The following MYLK4 variants were observed in gnomAD, a reference collection of about 807,000 sequenced individuals.
MYLK4 encodes the protein caMLCK like.
Under a neutral mutation model 48.1 loss-of-function variants are expected in MYLK4, and 46 were observed. That is an observed-to-expected ratio of 0.96 (90% confidence interval 0.75 to 1.22). MYLK4 has a LOEUF of 1.22. Among genes scored for constraint, MYLK4 ranks in the 50% most tolerant of loss-of-function variants. MYLK4 has a pLI of 0.00. For synonymous variants in MYLK4, 170 were observed against 180.8 expected (o/e 0.94, Z 0.48); for missense variants, 451 against 486.1 (o/e 0.93, Z 0.68).
rs1483147435 is a variant in MYLK4 at position 2,667,060 on chromosome 6, T to A, written c.*865A>T. 1 of 148,040 alleles carries A rather than the reference T, an allele frequency of 6.8e-6. No homozygotes were observed. The highest frequency in any genetic ancestry group is 2.5e-5 in the African/African-American group (1 of 39,280). 9.2% of individuals were successfully genotyped at this position (148,040 alleles called of 1,614,324 possible). ...TTGCTCCAGGAGGTGCAGATCCGTC[T>A]CTTTTAGTTGACAAATGGGGCTTGA... On this transcript the variant is annotated 3_prime_UTR_variant, in exon 13 of 13. Transcript: ENST00000274643.
intron 2 of MYLK4, chr6:2,744,193 T>C: frequency 5.0e-6 from 2 of 396,210 alleles, no homozygotes; most frequent in Non-Finnish European, 8.9e-6. Context: ...GCACTGGACG[T>C]CTCCAGTTAC....
At chr6:2,690,702 T>C (rs1156569797) in intron 3 of MYLK4, among the ~76,000 whole-genome samples, 1 of 152,044 alleles carries the variant, frequency 6.6e-6, no homozygotes, top group Non-Finnish European at 1.5e-5. Flanking sequence ...CCACTGGAAC[T>C]TAACAAAAGC....
At chr6:2,714,625 C>T (rs1224258509) in intron 2 of MYLK4, among the ~76,000 whole-genome samples, 1 of 152,200 alleles carries the variant, frequency 6.6e-6, no homozygotes, top group Non-Finnish European at 1.5e-5. Flanking sequence ...TCCATGAGAA[C>T]TGAAAGCAAG....
At chr6:2,686,109 A>AG (rs1046094836) in intron 4 of MYLK4, among the ~76,000 whole-genome samples, 1 of 147,910 alleles carries the variant, frequency 6.8e-6, no homozygotes. Context: ...AAAAAAAAAA[A>AG]GAATCCAGGA....
At chr6:2,686,771 G>C (rs879677050) in intron 4 of MYLK4, among the ~76,000 whole-genome samples, 1 of 152,226 alleles carries the variant, frequency 6.6e-6, no homozygotes, top group Admixed American at 6.5e-5. Flanking sequence ...TACCATAAAC[G>C]TAGCCACGGC....
At chr6:2,763,493 G>A in the MYLK4 span, among the ~76,000 whole-genome samples, 17 of 152,328 alleles carry the variant, frequency 1.1e-4, no homozygotes, top group East Asian at 1.4e-3. Context: ...ACTACGGCCT[G>A]GCGAGAAGTG....
At chr6:2,733,905 G>T (rs1763564633) in intron 2 of MYLK4, among the ~76,000 whole-genome samples, 1 of 152,030 alleles carries the variant, frequency 6.6e-6, no homozygotes, top group Admixed American at 6.5e-5. Flanking sequence ...AGTACCCCAG[G>T]TGATTCTTAT....
intron 6 of MYLK4, among the ~76,000 whole-genome samples, chr6:2,684,161 TGATAG>T (rs1437738627): frequency 1.3e-5 from 2 of 152,112 alleles, no homozygotes; most frequent in Non-Finnish European, 2.9e-5. Flanking sequence ...TGAAGTCAAA[TGATAG>T]TTCCGTGAAC....
At chr6:2,719,195 A>G (rs1762974605) in intron 2 of MYLK4, among the ~76,000 whole-genome samples, 1 of 152,228 alleles carries the variant, frequency 6.6e-6, no homozygotes, top group Non-Finnish European at 1.5e-5. Flanking sequence ...ACATTCCTGG[A>G]TCACATCCAC....
intron 2 of MYLK4, among the ~76,000 whole-genome samples, chr6:2,697,431 C>T (rs1216950255): frequency 1.5e-4 from 23 of 152,212 alleles, no homozygotes; most frequent in Admixed American, 1.4e-3. Flanking sequence ...CTCTTTTCTC[C>T]GTTAACCATT....
At chr6:2,744,451 C>T (rs376352481) in intron 2 of MYLK4, among the ~76,000 whole-genome samples, 7 of 152,228 alleles carry the variant, frequency 4.6e-5, no homozygotes, top group East Asian at 1.9e-4. Context: ...ATGGAGGTGG[C>T]GAAATGCAAC....
At position 2,673,158 on chromosome 6, in the gene MYLK4, G is replaced by T. The variant is rs1760967127; in HGVS notation, c.1120-1810C>A. On this transcript the variant is annotated intron_variant, in intron 11 of 12. Coordinates refer to ENST00000274643, the MANE Select transcript of MYLK4 (RefSeq NM_001012418.5). This position sits in a 1 kb window ranked among gnomAD's most constrained non-coding sequence, Gnocchi z 4.2. Reference sequence around the variant, plus strand: ...TACAATGTCATTAATTATCTGCTGTGGTTTCTATACTATCCTGCCATGTCA... The same window carrying T: ...TACAATGTCATTAATTATCTGCTGTTGTTTCTATACTATCCTGCCATGTCA... Among the ~76,000 whole-genome samples the T allele has an allele frequency of 6.6e-6, 1 of 152,132 alleles. No individual in the cohort carries two copies. The highest frequency in any genetic ancestry group is 1.5e-5 in the Non-Finnish European group (1 of 68,036).
chr6:2,715,583 G>A (rs1335743893), intron 2 of MYLK4, among the ~76,000 whole-genome samples: 2 of 152,170 alleles, frequency 1.3e-5, no homozygotes, highest in Non-Finnish European at 2.9e-5. Flanking sequence ...CCTGAGTACA[G>A]GGGACTTGTT....
At chr6:2,698,504 T>C (rs2113203459) in intron 2 of MYLK4, among the ~76,000 whole-genome samples, 1 of 152,348 alleles carries the variant, frequency 6.6e-6, no homozygotes, top group Admixed American at 6.5e-5. Context: ...CGCTGGGTCA[T>C]GTACCCTGAA....
At chr6:2,705,199 C>G (rs1263046057) in intron 2 of MYLK4, among the ~76,000 whole-genome samples, 1 of 151,924 alleles carries the variant, frequency 6.6e-6, no homozygotes, top group Non-Finnish European at 1.5e-5. Context: ...TAGTTCTTCC[C>G]CATTTCTCAG....
chr6:2,730,364 G>A (rs1309053472), intron 2 of MYLK4, among the ~76,000 whole-genome samples: 1 of 152,214 alleles, frequency 6.6e-6, no homozygotes, highest in Non-Finnish European at 1.5e-5. Flanking sequence ...ATAGCGGGAG[G>A]AAGGATGCAG....
chr6:2,689,601 C>T (rs1761698344), intron 3 of MYLK4, among the ~76,000 whole-genome samples: 1 of 152,212 alleles, frequency 6.6e-6, no homozygotes, highest in Non-Finnish European at 1.5e-5. Flanking sequence ...CGCTCGTCCA[C>T]ATCAGCACCA....
intron 2 of MYLK4, among the ~76,000 whole-genome samples, chr6:2,731,583 C>CCCTGCTCTGGACTCCTATGGCA (rs1200433414): frequency 1.3e-5 from 2 of 152,108 alleles, no homozygotes; most frequent in Admixed American, 6.5e-5. Flanking sequence ...GATAAAATTC[C>CCCTGCTCTGGACTCCTATGGCA]CCTGCTCTGG....
rs548253295 is a variant in MYLK4, at chr6:2,713,909, T to C, written c.160-21050A>G. ...CACTCAAACCCAGGATGAAGAATGA[T>C]TTTTCTTGGGTGAAAAATAATACAA... On this transcript the variant is annotated intron_variant, in intron 2 of 12. Coordinates refer to ENST00000274643, the MANE Select transcript of MYLK4 (RefSeq NM_001012418.5). 4.1e-4 allele frequency among the ~76,000 whole-genome samples: 62 copies of C among 152,260 alleles called. 1 individual carries two copies. The highest frequency in any genetic ancestry group is 1.5e-3 in the African/African-American group (62 of 41,540).
Sources: gnomAD v4.1 joint callset for allele counts (sites outside exome capture counted in the v4.1 genomes callset) on GRCh38, gnomAD v4.1.1 for gene constraint, Gnocchi (gnomAD v3.1) non-coding constraint, MANE v1.5 for transcripts, NCBI Gene and HGNC (gene_info 2026-07-23, HGNC 2026-07-21) for gene names.